TIMP3: variants seen among roughly 807,000 people sequenced by gnomAD.
TIMP3 encodes metalloproteinase inhibitor 3.
In TIMP3, 11 loss-of-function variants were observed where a neutral mutation model predicts 30.0. The observed-to-expected ratio is 0.37, with a 90% CI of 0.23 to 0.61. The LOEUF is 0.61. Among genes scored for constraint, TIMP3 ranks in the 20% least tolerant of loss-of-function variants. TIMP3 has a pLI of 0.70. For synonymous variants in TIMP3, 112 were observed against 111.3 expected, an observed-to-expected ratio of 1.01 and a Z score of -0.04; for missense variants, 181 against 276.8, an observed-to-expected ratio of 0.65 and a Z score of 2.45.
chr22:32,808,351 T>C (rs2046821418), intron 1 of TIMP3, among the ~76,000 whole-genome samples: 1 of 152,172 alleles, frequency 6.6e-6, no homozygotes, highest in South Asian at 2.1e-4. Flanking sequence ...TTGTTGCCTA[T>C]GGATGGCACT....
intron 2 of TIMP3, 55 bp from the exon 3 acceptor site, chr22:32,857,194 C>T: frequency 1.5e-6 from 2 of 1,340,798 alleles, no homozygotes; most frequent in South Asian, 1.2e-5. Context: ...GATTAGGGAT[C>T]ATACGGGTGT....
chr22:32,829,585 G>T (rs978235315), intron 1 of TIMP3, among the ~76,000 whole-genome samples: 2 of 152,232 alleles, frequency 1.3e-5, no homozygotes, highest in Non-Finnish European at 2.9e-5. Flanking sequence ...ATTTTCATCA[G>T]ACCTTAATTG....
chr22:32,838,645 G>A (rs556479507), intron 1 of TIMP3, among the ~76,000 whole-genome samples: 12 of 152,102 alleles, frequency 7.9e-5, no homozygotes, highest in African/African-American at 2.2e-4. Flanking sequence ...GAACAATGTC[G>A]GTATTCGGCC....
At chr22:32,846,732 C>G (rs917022787) in intron 1 of TIMP3, among the ~76,000 whole-genome samples, 1 of 152,254 alleles carries the variant, frequency 6.6e-6, no homozygotes, top group East Asian at 1.9e-4. Flanking sequence ...TAGTAATAAG[C>G]AAATCACTTG....
chr22:32,857,347 G>C lies in TIMP3; in HGVS notation c.303G>C (p.Gln101His). ...CGLKLEVNKYQYLLTGRVYDG... is the reference protein window; with the variant it reads ...CGLKLEVNKYHYLLTGRVYDG... ...TTAAGCTGGAGGTCAACAAGTACCA[G>C]TACCTGCTGACAGGTAATGGCCAAC... Residue 101 changes from glutamine (Q) to histidine (H), a missense_variant, in exon 3 of 5, where the codon CAG becomes CAC. Physicochemically the swap from Gln to His is conservative, Grantham distance 24. Coordinates refer to ENST00000266085, the MANE Select transcript of TIMP3 (RefSeq NM_000362.5). 1 of 1,613,830 alleles carries C rather than the reference G, an allele frequency of 6.2e-7. No individual in the cohort carries two copies. Among genetic ancestry groups the C allele is most frequent in the East Asian group, 2.2e-5 (1 of 44,872 alleles).
At position 32,862,227 on chromosome 22, in the gene TIMP3, C is replaced by T. The variant is rs1024776527; in HGVS notation, c.*2850C>T. On this transcript the variant is annotated 3_prime_UTR_variant, in exon 5 of 5. Coordinates refer to ENST00000266085, the MANE Select transcript of TIMP3 (RefSeq NM_000362.5). ...CATGATTTTCCTAAGAATCCAGGGC[C>T]ATGGGAGATACAATTCCAAGTTCTC... 6.6e-6 allele frequency: 1 copy of T among 152,212 alleles called. No individual in the cohort carries two copies. Among genetic ancestry groups the T allele is most frequent in the African/African-American group, 2.4e-5 (1 of 41,434 alleles). 9.4% of individuals were successfully genotyped at this position (152,212 alleles called of 1,614,324 possible).
intron 1 of TIMP3, among the ~76,000 whole-genome samples, chr22:32,835,235 A>C (rs2047696136): frequency 6.6e-6 from 1 of 152,202 alleles, no homozygotes; most frequent in African/African-American, 2.4e-5. Flanking sequence ...CCAAGATGGA[A>C]AAGATGTCTT....
At chr22:32,856,317 G>C (rs945556747) in intron 2 of TIMP3, among the ~76,000 whole-genome samples, 1 of 152,146 alleles carries the variant, frequency 6.6e-6, no homozygotes, top group Admixed American at 6.5e-5. Flanking sequence ...GTTGGAATGG[G>C]GGGTATGGCT....
intron 1 of TIMP3, among the ~76,000 whole-genome samples, chr22:32,819,103 A>G (rs2047166527): frequency 6.6e-6 from 1 of 152,244 alleles, no homozygotes; most frequent in South Asian, 2.1e-4. Context: ...AGGGGGTCAC[A>G]GGGTTTCAGA....
intron 1 of TIMP3, among the ~76,000 whole-genome samples, chr22:32,834,323 AT>A (rs5845042): frequency 9.1e-5 from 13 of 143,490 alleles, no homozygotes; most frequent in African/African-American, 1.7e-4. Flanking sequence ...TGGCTAATTT[AT>A]TTTTTTTTTT....
chr22:32,832,569 A>G (rs889769384), intron 1 of TIMP3, among the ~76,000 whole-genome samples: 12 of 148,024 alleles, frequency 8.1e-5, no homozygotes, highest in Non-Finnish European at 1.6e-4. Context: ...AAAAATTATT[A>G]TACTTGGCCA....
intron 1 of TIMP3, among the ~76,000 whole-genome samples, chr22:32,826,703 G>A (rs1569255685): frequency 6.6e-6 from 1 of 152,150 alleles, no homozygotes; most frequent in East Asian, 1.9e-4. Flanking sequence ...ATTTGAGCTG[G>A]AATAAAATGT....
chr22:32,843,723 C>A (rs11704023), intron 1 of TIMP3, among the ~76,000 whole-genome samples: 12,779 of 152,184 alleles, frequency 0.084, 866 homozygotes, highest in African/African-American at 0.19. Flanking sequence ...GGCTTTTCTT[C>A]CTACCTAGAG....
intron 1 of TIMP3, among the ~76,000 whole-genome samples, chr22:32,839,330 A>C (rs1601507630): frequency 1.3e-5 from 2 of 152,140 alleles, no homozygotes; most frequent in East Asian, 3.9e-4. Flanking sequence ...TTAGGGGAGA[A>C]GGACTGTGTT....
At chr22:32,847,459 C>T (rs2048098726) in intron 1 of TIMP3, among the ~76,000 whole-genome samples, 1 of 152,166 alleles carries the variant, frequency 6.6e-6, no homozygotes, top group South Asian at 2.1e-4. Flanking sequence ...TGTGTTTTGC[C>T]ATCGCCGGCA....
At chr22:32,803,680 C>G (rs2046650830) in intron 1 of TIMP3, among the ~76,000 whole-genome samples, 1 of 152,184 alleles carries the variant, frequency 6.6e-6, no homozygotes, top group African/African-American at 2.4e-5. Context: ...TGGTAACATT[C>G]CCACCTGATT....
At chr22:32,840,877 C>G (rs1024734539) in intron 1 of TIMP3, among the ~76,000 whole-genome samples, 1 of 152,210 alleles carries the variant, frequency 6.6e-6, no homozygotes, top group Non-Finnish European at 1.5e-5. Flanking sequence ...TGGTCTCTCT[C>G]ACCTCTGGCC....
intron 1 of TIMP3, among the ~76,000 whole-genome samples, chr22:32,814,135 T>TGA (rs769677665): frequency 3.6e-4 from 26 of 72,066 alleles, no homozygotes; most frequent in Non-Finnish European, 4.6e-4. Flanking sequence ...TGTGTGTGTG[T>TGA]GTGTGTGAGA....
rs868693433 is a variant in TIMP3, at chr22:32,860,101, G to C, written c.*724G>C. 6.6e-6 allele frequency: 1 copy of C among 152,262 alleles called. No homozygotes were observed. Among genetic ancestry groups the C allele is most frequent in the African/African-American group, 2.4e-5 (1 of 41,464 alleles). 9.4% of individuals were successfully genotyped at this position (152,262 alleles called of 1,614,324 possible). On this transcript the variant is annotated 3_prime_UTR_variant, in exon 5 of 5. Coordinates refer to ENST00000266085, the MANE Select transcript of TIMP3 (RefSeq NM_000362.5). Reference sequence around the variant, plus strand: ...AGGCCAGAATAACAGAGCTTTCTTAGTTGGTGAAGACTTAAACATCTGCCT... The same window carrying C: ...AGGCCAGAATAACAGAGCTTTCTTACTTGGTGAAGACTTAAACATCTGCCT...
Sources: gnomAD v4.1 joint callset for allele counts (sites outside exome capture counted in the v4.1 genomes callset) on GRCh38, gnomAD v4.1.1 for gene constraint, MANE v1.5 for transcripts, NCBI Gene and HGNC (gene_info 2026-07-23, HGNC 2026-07-21) for gene names.